The following CPT1C variants were observed in gnomAD, a reference collection of about 807,000 sequenced individuals.
CPT1C encodes palmitoyl thioesterase CPT1C.
A neutral mutation model predicts 97.3 loss-of-function variants in CPT1C; 61 were observed. The observed-to-expected ratio is 0.63, with a 90% CI of 0.51 to 0.78. The LOEUF is 0.78. Ranked by LOEUF, CPT1C falls within the 30% of genes least tolerant of loss-of-function variation. The pLI is 0.00. For missense variants in CPT1C, 975 were observed against 1,065.5 expected (o/e 0.92, Z 1.18); for synonymous variants, 469 against 447.2 (o/e 1.05, Z -0.61).
intron 4 of CPT1C, 47 bp downstream of exon 4, chr19:49,697,512 T>G: frequency 1.3e-6 from 2 of 1,591,198 alleles, no homozygotes; most frequent in Non-Finnish European, 1.7e-6. Context: ...CACTCTCCCT[T>G]CACCCAGTAA....
chr19:49,700,428 T>C (rs2082947005), intron 4 of CPT1C, among the ~76,000 whole-genome samples: 1 of 152,126 alleles, frequency 6.6e-6, no homozygotes, highest in Non-Finnish European at 1.5e-5. Context: ...AAGGAAAAAG[T>C]GTCCCCTCAA....
At chr19:49,701,978 A>ATGTAT (rs2083127510) in intron 7 of CPT1C, among the ~76,000 whole-genome samples, 1 of 81,804 alleles carries the variant, frequency 1.2e-5, no homozygotes, top group African/African-American at 4.8e-5. Context: ...AAATTTATAA[A>ATGTAT]TAAATATATA....
chr19:49,711,676 A>T, intron 16 of CPT1C, 133 bp from the exon 17 acceptor site: 2 of 914,216 alleles, frequency 2.2e-6, no homozygotes, highest in Non-Finnish European at 3.3e-6. Context: ...TCAGTTCCCC[A>T]TCTGTAAAAT....
intron 18 of CPT1C, 22 bp from the exon 19 acceptor site, chr19:49,712,950 C>A (rs772100380): frequency 2.5e-6 from 4 of 1,609,276 alleles, no homozygotes; most frequent in Admixed American, 3.3e-5. Flanking sequence ...TATTTTCTTC[C>A]CTTCACTCTT....
chr19:49,690,666 C>T (rs552672042), upstream of CPT1C: 18 of 587,540 alleles, frequency 3.1e-5, no homozygotes, highest in Middle Eastern at 4.4e-4. This position sits in a 1 kb window ranked among gnomAD's most constrained non-coding sequence, Gnocchi z 4.4. Flanking sequence ...TTCTCCCTCA[C>T]GGAAGTCCCA....
intron 4 of CPT1C, among the ~76,000 whole-genome samples, chr19:49,700,456 A>G (rs1398933181): frequency 6.6e-6 from 1 of 152,294 alleles, no homozygotes; most frequent in Non-Finnish European, 1.5e-5. Context: ...AATGGCTGTC[A>G]TTTATTAAAC....
At position 49,713,069 on chromosome 19, in the gene CPT1C, G is replaced by C; in HGVS notation, c.2226+5G>C. 2 of 1,611,068 alleles carry C rather than the reference G, an allele frequency of 1.2e-6. No homozygotes were observed. Among genetic ancestry groups the C allele is most frequent in the Non-Finnish European group, 1.7e-6 (2 of 1,177,286 alleles). ...AAAAAATCAAGCACAAAAACGGTGA[G>C]ACAAACGTGTATACCCACCAACTCC... On this transcript the variant is annotated splice_donor_5th_base_variant and intron_variant, in intron 19 of 19. Coordinates refer to ENST00000598293, the MANE Select transcript of CPT1C (RefSeq NM_001199753.2).
chr19:49,703,579 CCCTCCCTCCCTCCCTCCCTT>C (rs2083323005), intron 7 of CPT1C, among the ~76,000 whole-genome samples: 1 of 86,206 alleles, frequency 1.2e-5, no homozygotes, highest in Admixed American at 1.2e-4. Context: ...CTCCCTCCCT[CCCTCCCTCCCTCCCTCCCTT>C]CCTTCCTTCC....
At chr19:49,705,453 A>G (rs45480295) in intron 10 of CPT1C, among the ~76,000 whole-genome samples, 155 bp downstream of exon 10, 4,795 of 152,104 alleles carry the variant, frequency 0.032, 120 homozygotes, top group Middle Eastern at 0.044. Flanking sequence ...AGCTTCCACT[A>G]AAGTGGGATA....
rs1389669535 is a variant in CPT1C, at chr19:49,713,494, T to C, written c.2301T>C (p.His767=). 6.2e-6 allele frequency: 10 copies of C among 1,614,094 alleles called. No homozygotes were observed. Among genetic ancestry groups the C allele is most frequent in the Non-Finnish European group, 8.5e-6 (10 of 1,180,046 alleles). The change falls in exon 20 of 20, where the codon CAT becomes CAC. Residue 767 remains histidine (H), a synonymous_variant. Transcript: ENST00000598293. Reference sequence around the variant, plus strand: ...CCTCCCTGTTCCAGGCGGGACAGCATTTTAAGCGCCGGTTCAGAGGGTCAG... The same window carrying C: ...CCTCCCTGTTCCAGGCGGGACAGCACTTTAAGCGCCGGTTCAGAGGGTCAG... ...DVASLFQAGQ[H]FKRRFRGSGK...
In CPT1C at chr19:49,711,763, C is replaced by T. The variant is rs182872448; in HGVS notation, c.1867-46C>T. ...ATGTGCCGCAGGCCCAGCCCTAAGT[C>T]GACTTCCTGTCTTTCCATGACCTGT... On this transcript the variant is annotated intron_variant, in intron 16 of 19. Coordinates refer to ENST00000598293, the MANE Select transcript of CPT1C (RefSeq NM_001199753.2). 1.9e-5 allele frequency: 29 copies of T among 1,565,322 alleles called. No homozygotes were observed. The Admixed American group carries it at 2.3e-4, about 12-fold the overall frequency.
At chr19:49,695,431 C>T (rs1600019216) in intron 3 of CPT1C, among the ~76,000 whole-genome samples, 1 of 151,622 alleles carries the variant, frequency 6.6e-6, no homozygotes, top group East Asian at 2.0e-4. Flanking sequence ...TTACAGGTGC[C>T]TGCCACCAGG....
rs558266794 is a variant in CPT1C at position 49,706,909 on chromosome 19, C to T, written c.1343+496C>T. ...GGCAGGCATCACTGAATTCCTAGGCCCCAGGGGGGTCCCGCTGACCTCCCA... is the reference window on the plus strand; with the variant it reads ...GGCAGGCATCACTGAATTCCTAGGCTCCAGGGGGGTCCCGCTGACCTCCCA... On this transcript the variant is annotated intron_variant, in intron 12 of 19. Transcript: ENST00000598293. This position sits in a 1 kb window ranked among gnomAD's most constrained non-coding sequence, Gnocchi z 4.8. Among the ~76,000 whole-genome samples the T allele has an allele frequency of 6.6e-6, 1 of 152,214 alleles. No individual in the cohort carries two copies. Among genetic ancestry groups the T allele is most frequent in the African/African-American group, 2.4e-5 (1 of 41,546 alleles).
chr19:49,704,858 G>T, intron 8 of CPT1C, 71 bp downstream of exon 8: 2 of 1,493,820 alleles, frequency 1.3e-6, no homozygotes, highest in South Asian at 2.3e-5. Context: ...GGAATGTGAC[G>T]GTCATGCTCA....
intron 3 of CPT1C, among the ~76,000 whole-genome samples, chr19:49,694,072 AATAAAATAAAAT>A (rs2082506239): frequency 7.6e-6 from 1 of 131,360 alleles, no homozygotes; most frequent in African/African-American, 2.8e-5. Flanking sequence ...CTCAAAAAAA[AATAAAATAAAAT>A]AAAAAATAAA....
Position 49,708,745 on chromosome 19 carries a change from T to A in CPT1C, c.1472T>A (p.Phe491Tyr). ...MWEFTLATEC[F>Y]QLGYSTDGHC... ...CAGTTCACTCTGGCTACAGAATGCT[T>A]TCAGCTGGGCTACTCAACAGACGGC... is the stretch of plus-strand genomic sequence containing the variant. The change falls in exon 14 of 20, where the codon TTT becomes TAT. Residue 491 changes from phenylalanine (F) to tyrosine (Y), a missense_variant. Physicochemically the swap from Phe to Tyr is conservative, Grantham distance 22. Around this residue, in one of 3 missense-constraint regions of CPT1C, gnomAD observed 35 missense variants for 66.6 expected, o/e 0.53. Coordinates refer to ENST00000598293, the MANE Select transcript of CPT1C (RefSeq NM_001199753.2). The A allele has an allele frequency of 6.2e-7, 1 of 1,613,886 alleles. No individual in the cohort carries two copies. The highest frequency in any genetic ancestry group is 8.5e-7 in the Non-Finnish European group (1 of 1,179,894).
rs2083531525 is a variant in CPT1C, at chr19:49,706,917, G to T, written c.1343+504G>T. On this transcript the variant is annotated intron_variant, in intron 12 of 19. Transcript: ENST00000598293. The surrounding 1 kb of genome is among the most constrained non-coding windows in gnomAD (Gnocchi z 4.8). The stretch of plus-strand genomic sequence containing the variant: ...TCACTGAATTCCTAGGCCCCAGGGG[G>T]GTCCCGCTGACCTCCCAGCACCCCC... 6.6e-6 allele frequency among the ~76,000 whole-genome samples: 1 copy of T among 152,108 alleles called. No homozygotes were observed. The highest frequency in any genetic ancestry group is 2.1e-4 in the South Asian group (1 of 4,828).
At position 49,707,483 on chromosome 19, in the gene CPT1C, C is replaced by A. The variant is rs376399728; in HGVS notation, c.1344-35C>A. ...AGCACTCTGAGGTCCCCGTGCCCCT[C>A]GCTCTTGGTGACCCATCTGAACTCT... On this transcript the variant is annotated intron_variant, in intron 12 of 19. Transcript: ENST00000598293. The A allele has an allele frequency of 3.6e-5, 54 of 1,512,862 alleles. No individual in the cohort carries two copies. In the Admixed American group the frequency reaches 4.4e-4, roughly 12 times the overall value. 93.7% of individuals were successfully genotyped at this position (1,512,862 alleles called of 1,614,324 possible). A position where few individuals can be genotyped will look rare whatever the true frequency, so the allele number is the denominator to read the frequency against.
intron 3 of CPT1C, 73 bp downstream of exon 3, chr19:49,692,466 C>G: frequency 6.4e-7 from 1 of 1,565,338 alleles, no homozygotes. Context: ...AGGCTCACTT[C>G]CGGCATTTCA....
Sources: gnomAD v4.1 joint callset for allele counts (sites outside exome capture counted in the v4.1 genomes callset) on GRCh38, gnomAD v4.1.1 for gene constraint, gnomAD v4.1.1 regional missense constraint, Gnocchi (gnomAD v3.1) non-coding constraint, MANE v1.5 for transcripts, NCBI Gene and HGNC (gene_info 2026-07-23, HGNC 2026-07-21) for gene names.